Variants in SOX5 observed in about 807,000 individuals in gnomAD.
SOX5 encodes the protein transcription factor SOX-5.
Under a neutral mutation model 92.0 loss-of-function variants are expected in SOX5, and 9 were observed. The ratio of observed to expected loss-of-function variants is 0.10; its 90% CI spans 0.06 to 0.17. The LOEUF is 0.17. SOX5 is among the 10% of genes least tolerant of loss of function. The pLI is 1.00. For synonymous variants in SOX5, 344 were observed against 336.3 expected, an observed-to-expected ratio of 1.02 and a Z score of -0.25; for missense variants, 642 against 944.5, an observed-to-expected ratio of 0.68 and a Z score of 4.20.
At chr12:23,650,859 T>G (rs2081471327) in intron 7 of SOX5, among the ~76,000 whole-genome samples, 1 of 152,066 alleles carries the variant, frequency 6.6e-6, no homozygotes, top group African/African-American at 2.4e-5. Context: ...GTATTTGTGT[T>G]CCAGATATAT....
At position 24,393,192 on chromosome 12, in the gene SOX5, G is replaced by A. The variant is rs1419440628; in HGVS notation, c.-250-24553C>T. On this transcript the variant is annotated intron_variant, in intron 1 of 4. Transcript: ENST00000446891. The surrounding 1 kb of genome is among the most constrained non-coding windows in gnomAD (Gnocchi z 5.0). ...GCAAAAAAACAAACCCACTGCCTGG[G>A]GCAGCCTGGGGCTGATGGATGATGA... is the stretch of plus-strand genomic sequence containing the variant. 6.6e-6 allele frequency among the ~76,000 whole-genome samples: 1 copy of A among 152,206 alleles called. No individual in the cohort carries two copies. The highest frequency in any genetic ancestry group is 1.5e-5 in the Non-Finnish European group (1 of 68,026).
intron 4 of SOX5, among the ~76,000 whole-genome samples, chr12:24,122,937 C>A (rs768713457): frequency 1.3e-5 from 2 of 152,206 alleles, no homozygotes; most frequent in Non-Finnish European, 2.9e-5. Flanking sequence ...TGCTGTGAAG[C>A]CATTAGAGGC....
chr12:24,195,393 C>G (rs1956915997), intron 4 of SOX5, among the ~76,000 whole-genome samples: 1 of 152,134 alleles, frequency 6.6e-6, no homozygotes, highest in Non-Finnish European at 1.5e-5. Context: ...CTACAAACTA[C>G]AAGAGAACCG....
intron 1 of SOX5, among the ~76,000 whole-genome samples, chr12:23,914,980 T>C (rs1055645498): frequency 2.0e-5 from 3 of 152,110 alleles, no homozygotes; most frequent in Non-Finnish European, 2.9e-5. Flanking sequence ...ACATAAAGCA[T>C]AATAAATCAA....
At chr12:24,170,798 A>G (rs78134787) in intron 4 of SOX5, among the ~76,000 whole-genome samples, 1,531 of 152,348 alleles carry the variant, frequency 0.01, 21 homozygotes, top group African/African-American at 0.034. Flanking sequence ...CTGGATTCAG[A>G]GGACACAGAA....
chr12:24,234,584 G>A (rs1227558801), intron 3 of SOX5, among the ~76,000 whole-genome samples: 2 of 152,062 alleles, frequency 1.3e-5, no homozygotes, highest in African/African-American at 2.4e-5. Context: ...CACCATGTTG[G>A]CCAGGCTGGT....
chr12:24,433,367 T>C (rs972522361), intron 1 of SOX5, among the ~76,000 whole-genome samples: 1 of 152,234 alleles, frequency 6.6e-6, no homozygotes, highest in Non-Finnish European at 1.5e-5. Flanking sequence ...TGAACAGGTT[T>C]TTTGAAGCAG....
intron 4 of SOX5, among the ~76,000 whole-genome samples, chr12:24,138,085 G>A (rs1251868337): frequency 6.6e-6 from 1 of 152,184 alleles, no homozygotes; most frequent in Non-Finnish European, 1.5e-5. Flanking sequence ...TGCTATTTTG[G>A]AGGCCACAAA....
rs150050233 is a variant in SOX5, at chr12:24,251,528, G to A, written c.-77+25688C>T. On this transcript the variant is annotated intron_variant, in intron 3 of 4. Transcript: ENST00000446891. ...GAGTGAAAGTTCCAGACCCTTTTGA[G>A]GAGATATCCTTGTCCTATTGAACTA... is the stretch of plus-strand genomic sequence containing the variant. 4.6e-5 allele frequency among the ~76,000 whole-genome samples: 7 copies of A among 151,534 alleles called. No homozygotes were observed. The East Asian group carries it at 1.4e-3, about 29-fold the overall frequency.
At chr12:24,154,035 A>G (rs187783393) in intron 4 of SOX5, among the ~76,000 whole-genome samples, 149 of 152,242 alleles carry the variant, frequency 9.8e-4, no homozygotes, top group Non-Finnish European at 1.4e-3. Context: ...TAGTATGCCC[A>G]GGACCAGCGT....
At chr12:23,909,879 C>T (rs2097332901) in intron 1 of SOX5, among the ~76,000 whole-genome samples, 1 of 151,728 alleles carries the variant, frequency 6.6e-6, no homozygotes, top group Non-Finnish European at 1.5e-5. Context: ...TCCCCGACAA[C>T]TGAAAGACCT....
chr12:23,887,915 A>ATGTGTG (rs1374110699), intron 2 of SOX5, among the ~76,000 whole-genome samples: 4 of 79,666 alleles, frequency 5.0e-5, no homozygotes, highest in Non-Finnish European at 7.5e-5. Context: ...TCCAGTGTGT[A>ATGTGTG]TATGTGTGTG....
At chr12:23,584,553 G>T in intron 9 of SOX5, 1 of 1,607,094 alleles carries the variant, frequency 6.2e-7, no homozygotes, top group Non-Finnish European at 8.5e-7. Context: ...ATACATGCAT[G>T]CACAGCTCCT....
chr12:24,400,289 C>T (rs1411598867), intron 1 of SOX5, among the ~76,000 whole-genome samples: 1 of 152,196 alleles, frequency 6.6e-6, no homozygotes, highest in Non-Finnish European at 1.5e-5. Flanking sequence ...CATAACCTTC[C>T]ATTTTGTTTC....
intron 6 of SOX5, among the ~76,000 whole-genome samples, chr12:23,670,107 T>G (rs1374433987): frequency 6.6e-6 from 1 of 152,078 alleles, no homozygotes; most frequent in Non-Finnish European, 1.5e-5. Flanking sequence ...ATGAAGAGTA[T>G]GGTATAACAA....
At chr12:24,531,195 G>T (rs148227205) in intron 1 of SOX5, among the ~76,000 whole-genome samples, 1,628 of 152,118 alleles carry the variant, frequency 0.011, 77 homozygotes, top group Admixed American at 0.077. Context: ...AAAATTGGAG[G>T]CATTTCTGAC....
chr12:23,570,721 T>C (rs1326426463), intron 10 of SOX5, among the ~76,000 whole-genome samples: 1 of 151,014 alleles, frequency 6.6e-6, no homozygotes, highest in Non-Finnish European at 1.5e-5. Flanking sequence ...CCATCCTGGA[T>C]AACATGGTGA....
intron 8 of SOX5, chr12:23,638,372 C>T (rs1482859562): frequency 2.0e-5 from 3 of 152,148 alleles, no homozygotes; most frequent in African/African-American, 4.8e-5. Context: ...TCCAGCAGGA[C>T]TGAATTTTAA....
chr12:24,171,413 C>T (rs1001337571), intron 4 of SOX5, among the ~76,000 whole-genome samples: 8 of 151,566 alleles, frequency 5.3e-5, no homozygotes, highest in African/African-American at 1.2e-4. Flanking sequence ...TTAGTAGAGA[C>T]GAGGTTTCAC....
Sources: gnomAD v4.1 joint callset for allele counts (sites outside exome capture counted in the v4.1 genomes callset) on GRCh38, gnomAD v4.1.1 for gene constraint, Gnocchi (gnomAD v3.1) non-coding constraint, MANE v1.5 for transcripts, NCBI Gene and HGNC (gene_info 2026-07-23, HGNC 2026-07-21) for gene names.